Variants in MXRA5 observed in about 807,000 individuals in gnomAD.
MXRA5 encodes the protein matrix-remodeling-associated protein 5.
In MXRA5, 41 loss-of-function variants were observed where a neutral mutation model predicts 112.5. That is an observed-to-expected ratio of 0.36 (90% CI 0.28 to 0.47). The LOEUF (loss-of-function observed/expected upper bound fraction) is 0.47, where lower values mean the gene tolerates loss of function less well. MXRA5 is among the 20% of genes least tolerant of loss of function. The pLI is 0.99. For synonymous variants in MXRA5, 862 were observed against 900.8 expected (o/e 0.96, Z 0.77); for missense variants, 2,150 against 2,251.0 (o/e 0.96, Z 0.91).
intron 4 of MXRA5, among the ~76,000 whole-genome samples, chrX:3,329,586 T>C (rs192574900): frequency 0.011 from 1,194 of 111,787 alleles, 13 homozygotes; most frequent in Non-Finnish European, 0.017. Context: ...TCCGTGTCCG[T>C]AAAATAATGA....
At chrX:3,329,398 G>A (rs1428440891) in intron 4 of MXRA5, among the ~76,000 whole-genome samples, 1 of 71,470 alleles carries the variant, frequency 1.4e-5, no homozygotes, top group Admixed American at 1.7e-4. Context: ...GAAGAAGGAA[G>A]GAAGGAAGGA....
At chrX:3,316,513 T>TAATAATAATAAC in intron 6 of MXRA5, among the ~76,000 whole-genome samples, 1 of 78,014 alleles carries the variant, frequency 1.3e-5, no homozygotes, top group East Asian at 4.3e-4. Context: ...ATAATAATAA[T>TAATAATAATAAC]AATAACAAGC....
intron 6 of MXRA5, 43 bp downstream of exon 6, chrX:3,317,060 C>A: frequency 9.2e-7 from 1 of 1,092,607 alleles, no homozygotes; most frequent in Non-Finnish European, 1.2e-6. Flanking sequence ...TCGTTGGGGC[C>A]ACCAGCCCAG....
rs751259882 is a variant in MXRA5, at chrX:3,315,318, TGATA to T, written c.6578+1781_6578+1784del. 3.2e-5 allele frequency among the ~76,000 whole-genome samples: 2 copies of T among 63,393 alleles called. 1 individual carries two copies. The highest frequency in any genetic ancestry group is 3.5e-4 in the Admixed American group (2 of 5,742). The allele number at this position is 63,393 out of a possible 115,157, so 55.0% of individuals were successfully genotyped here. On this transcript the variant is annotated intron_variant, in intron 6 of 6. Coordinates refer to ENST00000217939, the MANE Select transcript of MXRA5 (RefSeq NM_015419.4). ...ATGGATAGACAGAAAGACAGACAGATGATAGATAGATAGATATAGATAGATAGAT... is the reference window on the plus strand; with the variant it reads ...ATGGATAGACAGAAAGACAGACAGATGATAGATAGATATAGATAGATAGAT...
Position 3,322,141 on chromosome X carries a change from T to A in MXRA5, c.3544A>T (p.Thr1182Ser). 8.3e-7 allele frequency: 1 copy of A among 1,200,787 alleles called. No homozygotes were observed. The highest frequency in any genetic ancestry group is 1.1e-6 in the Non-Finnish European group (1 of 889,669). Residue 1182 changes from threonine to serine, a missense_variant, in exon 5 of 7, where the codon ACT (threonine) becomes TCT (serine). Coordinates refer to ENST00000217939, the MANE Select transcript of MXRA5 (RefSeq NM_015419.4). ...TTFAPSETFS[T>S]QPTQAPDIKI... Reference sequence around the variant, plus strand: ...ATGTCAGGTGCTTGAGTTGGTTGAGTAGAAAAAGTCTCTGATGGGGCAAAA... The same window carrying A: ...ATGTCAGGTGCTTGAGTTGGTTGAGAAGAAAAAGTCTCTGATGGGGCAAAA...
At chrX:3,325,654 G>A (rs1205082859) in intron 4 of MXRA5, among the ~76,000 whole-genome samples, 10 of 101,736 alleles carry the variant, frequency 9.8e-5, no homozygotes, top group Admixed American at 4.6e-4. Context: ...TTATATCTAA[G>A]TATATATAAA....
rs1025391686 is a variant in MXRA5, at chrX:3,339,641, C to A, written c.188+4005G>T. 2.7e-5 allele frequency among the ~76,000 whole-genome samples: 3 copies of A among 111,265 alleles called. No homozygotes were observed. In the Admixed American group the frequency reaches 2.9e-4, roughly 11 times the overall value. On this transcript the variant is annotated intron_variant, in intron 2 of 6. Transcript: ENST00000217939. ...AAGGGTGCCAGATGTGAGAATGGGG[C>A]GGATATTCTGGAACATACAGAAGCC... is the stretch of plus-strand genomic sequence containing the variant.
At position 3,317,618 on chromosome X, in the gene MXRA5, G is replaced by A. The variant is rs201458774; in HGVS notation, c.6063C>T (p.Gly2021=). 5 of 1,209,713 alleles carry A rather than the reference G, an allele frequency of 4.1e-6. No homozygotes were observed. Among genetic ancestry groups the A allele is most frequent in the South Asian group, 1.8e-5 (1 of 56,850 alleles). ...SIKEASFSDR[G]VYKCVASNAA... is the part of the protein sequence containing the mutation. ...CATTGCTGGCCACGCACTTATAGAC[G>A]CCTCTGTCTGAGAAGGACGCCTCCT... The change falls in exon 6 of 7, where the codon GGC becomes GGT. Residue 2021 remains glycine, a synonymous_variant. Transcript: ENST00000217939.
rs1921303463 is a variant in MXRA5, at chrX:3,321,502, T to C, written c.4183A>G (p.Ile1395Val). Reference protein sequence around the residue: ...TAQPGRLQTGIPVTTSGENLT... With the variant: ...TAQPGRLQTGVPVTTSGENLT... ...TTTTCCCCAGAAGTGGTAACAGGTA[T>C]GCCTGTCTGTAGCCTCCCAGGCTGG... The change falls in exon 5 of 7, where the codon ATA becomes GTA. Residue 1395 changes from isoleucine to valine, a missense_variant. Transcript: ENST00000217939. 17 of 1,210,759 alleles carry C rather than the reference T, an allele frequency of 1.4e-5. No individual in the cohort carries two copies. The highest frequency in any genetic ancestry group is 1.9e-5 in the Non-Finnish European group (17 of 894,967).
chrX:3,342,344 T>G (rs1405059465), intron 2 of MXRA5, among the ~76,000 whole-genome samples: 7 of 111,469 alleles, frequency 6.3e-5, no homozygotes, highest in Non-Finnish European at 1.3e-4. Flanking sequence ...ACTCTGCACA[T>G]GTATCTTGGA....
chrX:3,341,725 A>G (rs1337214663), intron 2 of MXRA5, among the ~76,000 whole-genome samples: 2 of 91,581 alleles, frequency 2.2e-5, no homozygotes, highest in Non-Finnish European at 4.2e-5. Flanking sequence ...TTCTGCATCA[A>G]CCCCAAGCTT....
chrX:3,338,473 G>A (rs1385273256), intron 2 of MXRA5, among the ~76,000 whole-genome samples: 1 of 111,251 alleles, frequency 9.0e-6, no homozygotes, highest in African/African-American at 3.3e-5. Context: ...CTAGACAGAT[G>A]ATAAAGATAG....
At position 3,309,507 on chromosome X, in the gene MXRA5, T is replaced by A. The variant is rs1207094816; in HGVS notation, c.*209A>T. 2.4e-6 allele frequency: 1 copy of A among 418,962 alleles called. No homozygotes were observed. Among genetic ancestry groups the A allele is most frequent in the African/African-American group, 2.5e-5 (1 of 39,895 alleles). 34.5% of individuals were successfully genotyped at this position (418,962 alleles called of 1,213,427 possible). On this transcript the variant is annotated 3_prime_UTR_variant, in exon 7 of 7. Coordinates refer to ENST00000217939, the MANE Select transcript of MXRA5 (RefSeq NM_015419.4). ...GGCATGATGTAAACACAAAAGAAAG[T>A]GTCTCAGCAAGGCTGAGCCCTCCTT...
chrX:3,311,285 A>G lies in MXRA5; in HGVS notation c.6918T>C (p.Asn2306=). ...GRTKRYVVFN[N]GTLYFNEVGM... ...CCACTTCGTTAAAGTAGAGTGTCCC[A>G]TTGTTGAAGACGACATAGCGCTTGG... Residue 2306 remains asparagine (N), a synonymous_variant, in exon 7 of 7, where the codon AAT becomes AAC. Coordinates refer to ENST00000217939, the MANE Select transcript of MXRA5 (RefSeq NM_015419.4). 1 of 1,211,575 alleles carries G rather than the reference A, an allele frequency of 8.3e-7. No individual in the cohort carries two copies. The highest frequency in any genetic ancestry group is 1.1e-6 in the Non-Finnish European group (1 of 895,481).
chrX:3,310,803 T>A lies in MXRA5; in HGVS notation c.7400A>T (p.Lys2467Ile), dbSNP rs764638479. The A allele has an allele frequency of 1.7e-6, 2 of 1,208,415 alleles. No individual in the cohort carries two copies. The highest frequency in any genetic ancestry group is 5.9e-5 in the East Asian group (2 of 33,748). ...CCTCGGGGTGGGGATGCCTTCAGCT[T>A]TGCAGTCAATCAGTTTCCGACTGCC... ...AGGSRKLIDC[K>I]AEGIPTPRVL... Residue 2467 changes from lysine (K) to isoleucine (I), a missense_variant, in exon 7 of 7, where the codon AAA (lysine) becomes ATA (isoleucine). By Grantham distance (102) the Lys-to-Ile change is moderately radical (BLOSUM62 -3). This residue lies in a region of MXRA5 where 93 missense variants were observed against 135.5 expected (regional missense o/e 0.69). Transcript: ENST00000217939.
rs776101882 is a variant in MXRA5 at position 3,330,274 on chromosome X, C to T, written c.453G>A (p.Thr151=). The change falls in exon 4 of 7, where the codon ACG becomes ACA. Residue 151 remains threonine, a synonymous_variant. Coordinates refer to ENST00000217939, the MANE Select transcript of MXRA5 (RefSeq NM_015419.4). The part of the protein sequence containing the change: ...FIHPQAFNGL[T]SLRLLHLEGN... Reference sequence around the variant, plus strand: ...CTTCCAAATGGAGTAGCCTCAGAGACGTTAAGCCGTTGAAAGCTTGAGGGT... The same window carrying T: ...CTTCCAAATGGAGTAGCCTCAGAGATGTTAAGCCGTTGAAAGCTTGAGGGT... The T allele has an allele frequency of 4.1e-6, 5 of 1,210,896 alleles. No individual in the cohort carries two copies. Among genetic ancestry groups the T allele is most frequent in the Middle Eastern group, 2.3e-4 (1 of 4,351 alleles).
intron 2 of MXRA5, among the ~76,000 whole-genome samples, chrX:3,337,571 T>C (rs1921810524): frequency 8.9e-6 from 1 of 112,150 alleles, no homozygotes; most frequent in Non-Finnish European, 1.9e-5. Flanking sequence ...CATCCTATCA[T>C]CTATCAAGCA....
intron 6 of MXRA5, among the ~76,000 whole-genome samples, chrX:3,313,512 G>A (rs1417516170): frequency 9.0e-6 from 1 of 111,692 alleles, no homozygotes; most frequent in East Asian, 2.8e-4. Flanking sequence ...CACCCACCTC[G>A]GCCTCCCAAA....
rs1304825622 is a variant in MXRA5, at chrX:3,317,440, A to C, written c.6241T>G (p.Trp2081Gly). The change falls in exon 6 of 7, where the codon TGG (tryptophan) becomes GGG (glycine). Residue 2081 changes from tryptophan to glycine, a missense_variant. This residue lies in a region of MXRA5 where 1,485 missense variants were observed against 1,471.6 expected (regional missense o/e 1.01). Coordinates refer to ENST00000217939, the MANE Select transcript of MXRA5 (RefSeq NM_015419.4). ...AKAAPLPSVRWVLGDGTQIRP... is the reference protein window; with the variant it reads ...AKAAPLPSVRGVLGDGTQIRP... Reference sequence around the variant, plus strand: ...ATCTGGGTACCGTCCCCGAGCACCCAGCGCACGCTGGGCAGGGGCGCAGCC... The same window carrying C: ...ATCTGGGTACCGTCCCCGAGCACCCCGCGCACGCTGGGCAGGGGCGCAGCC... 8.3e-7 allele frequency: 1 copy of C among 1,198,593 alleles called. No individual in the cohort carries two copies. The highest frequency in any genetic ancestry group is 3.0e-4 in the Middle Eastern group (1 of 3,298).
Sources: allele counts gnomAD v4.1 joint callset (sites outside exome capture counted in the v4.1 genomes callset), GRCh38; gene constraint gnomAD v4.1.1; regional missense constraint gnomAD v4.1.1; transcripts MANE v1.5; gene names NCBI Gene and HGNC (gene_info 2026-07-23, HGNC 2026-07-21).